SPCS2: variants seen among roughly 807,000 people sequenced by gnomAD.
SPCS2 encodes the protein SPase 25 kDa subunit.
SPCS2 carries 3 observed loss-of-function variants against 22.3 expected under a neutral mutation model. The ratio of observed to expected loss-of-function variants is 0.13; its 90% CI spans 0.06 to 0.35. SPCS2 has a LOEUF of 0.35. SPCS2 is among the 10% of genes least tolerant of loss of function. The pLI is 1.00. For missense variants in SPCS2, 169 were observed against 280.9 expected (o/e 0.60, Z 2.85); for synonymous variants, 67 against 97.2 (o/e 0.69, Z 1.83).
chr11:74,949,402 G>A lies in SPCS2; in HGVS notation c.114+3G>A. 1.3e-6 allele frequency: 2 copies of A among 1,550,990 alleles called. No individual in the cohort carries two copies. On this transcript the variant is annotated splice_donor_region_variant and intron_variant, in intron 1 of 4. Coordinates refer to ENST00000263672, the MANE Select transcript of SPCS2 (RefSeq NM_014752.3). ...GCCGTAGCGGCTTGTTGGATAAGGT[G>A]AGGAGCCGGTTCTTGGGAACAGTTG...
Position 74,949,418 on chromosome 11 carries a change from G to C in SPCS2, c.114+19G>C, listed in dbSNP as rs552431516. ...GGATAAGGTGAGGAGCCGGTTCTTG[G>C]GAACAGTTGAATCCTGGGGAGGCCT... is the stretch of plus-strand genomic sequence containing the variant. On this transcript the variant is annotated intron_variant, in intron 1 of 4. Coordinates refer to ENST00000263672, the MANE Select transcript of SPCS2 (RefSeq NM_014752.3). 2 of 1,548,264 alleles carry C rather than the reference G, an allele frequency of 1.3e-6. No homozygotes were observed. Among genetic ancestry groups the C allele is most frequent in the Non-Finnish European group, 1.7e-6 (2 of 1,144,224 alleles).
chr11:74,978,824 C>T lies in SPCS2; in HGVS notation c.*1781C>T, dbSNP rs891690450. 1.1e-4 allele frequency: 16 copies of T among 152,266 alleles called. No homozygotes were observed. Among genetic ancestry groups the T allele is most frequent in the Non-Finnish European group, 2.1e-4 (14 of 68,034 alleles). 9.4% of individuals were successfully genotyped at this position (152,266 alleles called of 1,614,324 possible). On this transcript the variant is annotated 3_prime_UTR_variant, in exon 5 of 5. Transcript: ENST00000263672. ...GCTTGCAGATAGAGACTGAATAACCCTCTCCATGATGATCCCTTAGAGTTC... is the reference window on the plus strand; with the variant it reads ...GCTTGCAGATAGAGACTGAATAACCTTCTCCATGATGATCCCTTAGAGTTC...
chr11:74,952,338 A>G (rs1438770460), intron 1 of SPCS2, among the ~76,000 whole-genome samples: 1 of 152,182 alleles, frequency 6.6e-6, no homozygotes, highest in Non-Finnish European at 1.5e-5. Flanking sequence ...AAGTTGTGTG[A>G]TATTACTGAA....
intron 4 of SPCS2, among the ~76,000 whole-genome samples, chr11:74,970,614 T>C (rs1265626438): frequency 2.6e-5 from 4 of 152,234 alleles, no homozygotes; most frequent in Non-Finnish European, 4.4e-5. Context: ...ATCTGTGCCA[T>C]ACAGACTGTC....
chr11:74,953,394 T>C (rs1338847862), intron 1 of SPCS2, among the ~76,000 whole-genome samples: 2 of 152,166 alleles, frequency 1.3e-5, no homozygotes, highest in African/African-American at 4.8e-5. Context: ...GGTTTCACCA[T>C]GTTGGCCAGG....
chr11:74,953,836 T>C (rs1019960514), intron 1 of SPCS2, among the ~76,000 whole-genome samples: 1 of 152,238 alleles, frequency 6.6e-6, no homozygotes, highest in Non-Finnish European at 1.5e-5. Flanking sequence ...TTGCTTAATT[T>C]GTTTTGGCTA....
At chr11:74,959,277 TTATA>T (rs1948496969) in intron 1 of SPCS2, among the ~76,000 whole-genome samples, 1 of 152,238 alleles carries the variant, frequency 6.6e-6, no homozygotes, top group Non-Finnish European at 1.5e-5. Context: ...CTCAGGTCTT[TTATA>T]TCACTGCATA....
At chr11:74,955,846 A>AT (rs1271085291) in intron 1 of SPCS2, among the ~76,000 whole-genome samples, 5 of 113,286 alleles carry the variant, frequency 4.4e-5, no homozygotes, top group African/African-American at 1.6e-4. Context: ...TTAATTACTA[A>AT]TTAAAATATA....
At chr11:74,969,861 G>T (rs1196587158) in intron 4 of SPCS2, among the ~76,000 whole-genome samples, 162 bp downstream of exon 4, 3 of 152,214 alleles carry the variant, frequency 2.0e-5, no homozygotes, top group Non-Finnish European at 4.4e-5. Flanking sequence ...GTTTGTCCTA[G>T]CCCTATAGTT....
At position 74,953,646 on chromosome 11, in the gene SPCS2, T is replaced by A. The variant is rs566916455; in HGVS notation, c.114+4247T>A. 3.9e-5 allele frequency among the ~76,000 whole-genome samples: 6 copies of A among 152,336 alleles called. No individual in the cohort carries two copies. In the East Asian group the frequency reaches 1.2e-3, roughly 29 times the overall value. On this transcript the variant is annotated intron_variant, in intron 1 of 4. Coordinates refer to ENST00000263672, the MANE Select transcript of SPCS2 (RefSeq NM_014752.3). ...CCTAAGCAGATGTGAATTTCTACTC[T>A]TATGAAACTGACTTTAAGAACACAG...
rs573769844 is a variant in SPCS2, at chr11:74,976,891, A to C, written c.529A>C (p.Ile177Leu). 1 of 1,613,332 alleles carries C rather than the reference A, an allele frequency of 6.2e-7. No homozygotes were observed. Residue 177 changes from isoleucine to leucine, a missense_variant, in exon 5 of 5, where the codon ATC becomes CTC. By Grantham distance (5) the Ile-to-Leu change is conservative. This residue lies in a region of SPCS2 where 118 missense variants were observed against 243.1 expected (regional missense o/e 0.49). Coordinates refer to ENST00000263672, the MANE Select transcript of SPCS2 (RefSeq NM_014752.3). ...DDKYTLKLTF[I>L]SGRTKQQREA... ...CAAATACACCTTGAAGCTGACCTTCATCAGTGGGAGAACAAAGCAGCAGCG... is the reference window on the plus strand; with the variant it reads ...CAAATACACCTTGAAGCTGACCTTCCTCAGTGGGAGAACAAAGCAGCAGCG...
At chr11:74,973,159 G>T (rs1828936048) in intron 4 of SPCS2, among the ~76,000 whole-genome samples, 1 of 152,112 alleles carries the variant, frequency 6.6e-6, no homozygotes, top group African/African-American at 2.4e-5. Flanking sequence ...CATTACTCCG[G>T]TACTACAGGT....
At chr11:74,966,024 T>G in intron 3 of SPCS2, 101 bp downstream of exon 3, 1 of 1,070,716 alleles carries the variant, frequency 9.3e-7, no homozygotes, top group Admixed American at 2.5e-5. Context: ...ATATTAGGGC[T>G]TGCTAATGTT....
At chr11:74,963,526 T>C in intron 1 of SPCS2, 1 of 406,574 alleles carries the variant, frequency 2.5e-6, no homozygotes, top group Non-Finnish European at 4.8e-6. Context: ...TTTTATCCCA[T>C]CTCTTATTTT....
At chr11:74,965,278 G>T (rs1948537129) in intron 2 of SPCS2, 161 bp downstream of exon 2, 2 of 551,144 alleles carry the variant, frequency 3.6e-6, no homozygotes, top group South Asian at 2.5e-5. Context: ...GTCAGAGGAA[G>T]TGTGTTGAAA....
chr11:74,949,636 C>T, intron 1 of SPCS2: 1 of 578,532 alleles, frequency 1.7e-6, no homozygotes, highest in Non-Finnish European at 3.3e-6. Flanking sequence ...GTCCTGGTCG[C>T]CACACCTTTT....
At chr11:74,967,358 T>G (rs2140218935) in intron 3 of SPCS2, among the ~76,000 whole-genome samples, 1 of 152,294 alleles carries the variant, frequency 6.6e-6, no homozygotes, top group East Asian at 1.9e-4. Context: ...GAGAACTACC[T>G]TGATGGTAAT....
intron 1 of SPCS2, among the ~76,000 whole-genome samples, chr11:74,962,908 A>C (rs963209534): frequency 1.3e-5 from 2 of 152,176 alleles, no homozygotes; most frequent in Non-Finnish European, 2.9e-5. Context: ...TCTGCATTTT[A>C]TTCTCCCAAA....
chr11:74,967,747 C>A (rs117775738), intron 3 of SPCS2, among the ~76,000 whole-genome samples: 2,124 of 152,150 alleles, frequency 0.014, 16 homozygotes, highest in Non-Finnish European at 0.018. Flanking sequence ...GACTCTGTCT[C>A]AAAATAAATA....
Sources: gnomAD v4.1 joint callset for allele counts (sites outside exome capture counted in the v4.1 genomes callset) on GRCh38, gnomAD v4.1.1 for gene constraint, gnomAD v4.1.1 regional missense constraint, MANE v1.5 for transcripts, NCBI Gene and HGNC (gene_info 2026-07-23, HGNC 2026-07-21) for gene names.